KCNT1: variants seen among roughly 807,000 people sequenced by gnomAD.
KCNT1 encodes the protein potassium channel subfamily T member 1.
A neutral mutation model predicts 147.8 loss-of-function variants in KCNT1; 78 were observed. The ratio of observed to expected loss-of-function variants is 0.53; its 90% CI spans 0.44 to 0.64. KCNT1 has a LOEUF of 0.64. Among genes scored for constraint, KCNT1 ranks in the 30% least tolerant of loss-of-function variants. The pLI is 0.00. For synonymous variants in KCNT1, 867 were observed against 748.8 expected, an observed-to-expected ratio of 1.16 and a Z score of -2.58; for missense variants, 1,419 against 1,750.3, an observed-to-expected ratio of 0.81 and a Z score of 3.38.
intron 2 of KCNT1, among the ~76,000 whole-genome samples, chr9:135,745,665 T>G (rs1402267403): frequency 1.3e-5 from 2 of 152,248 alleles, no homozygotes; most frequent in Non-Finnish European, 2.9e-5. Flanking sequence ...CTCCTCCACC[T>G]GTCTGCTGTC....
intron 13 of KCNT1, chr9:135,768,387 C>A: frequency 1.4e-5 from 4 of 291,448 alleles, no homozygotes; most frequent in Non-Finnish European, 2.4e-5. Flanking sequence ...TGAGGGGGCA[C>A]TGTGACTCCT....
At chr9:135,777,569 C>A in intron 21 of KCNT1, 59 bp downstream of exon 21, 1 of 1,522,944 alleles carries the variant, frequency 6.6e-7, no homozygotes, top group Non-Finnish European at 8.9e-7. Flanking sequence ...CTGCAGCCAG[C>A]AGCCTCCCCA....
Position 135,702,286 on chromosome 9 carries a change from C to T in KCNT1, c.28C>T (p.Pro10Ser), listed in dbSNP as rs1174574288. MPLPDGART[P>S]GGVCREARGG... ...GCCACTCCCTGACGGGGCGCGGACC[C>T]CGGGGGGCGTCTGCCGGGAGGCGCG... Residue 10 changes from proline to serine, a missense_variant, in exon 1 of 31, where the codon CCG becomes TCG. Coordinates refer to ENST00000371757, the MANE Select transcript of KCNT1 (RefSeq NM_020822.3). 1 of 1,609,554 alleles carries T rather than the reference C, an allele frequency of 6.2e-7. No individual in the cohort carries two copies. Among genetic ancestry groups the T allele is most frequent in the Non-Finnish European group, 8.5e-7 (1 of 1,178,262 alleles).
chr9:135,792,156 C>T lies in KCNT1; in HGVS notation c.3703C>T (p.Leu1235Phe). Residue 1235 changes from leucine to phenylalanine, a missense_variant, in exon 31 of 31, where the codon CTC becomes TTC. This residue lies in a region of KCNT1 where 306 missense variants were observed against 294.2 expected (regional missense o/e 1.04). Coordinates refer to ENST00000371757, the MANE Select transcript of KCNT1 (RefSeq NM_020822.3). Reference sequence around the variant, plus strand: ...CCCCGAGACTCGCGACGAGACACAGCTCTGAGCCAGCCCTGCACGGAGCTC... The same window carrying T: ...CCCCGAGACTCGCGACGAGACACAGTTCTGAGCCAGCCCTGCACGGAGCTC... ...CNPETRDETQ[L>F] The T allele has an allele frequency of 6.2e-7, 1 of 1,605,394 alleles. No individual in the cohort carries two copies. The highest frequency in any genetic ancestry group is 8.5e-7 in the Non-Finnish European group (1 of 1,179,552).
chr9:135,757,363 C>G lies in KCNT1; in HGVS notation c.741C>G (p.His247Gln). 1 of 1,609,688 alleles carries G rather than the reference C, an allele frequency of 6.2e-7. No homozygotes were observed. Among genetic ancestry groups the G allele is most frequent in the Non-Finnish European group, 8.5e-7 (1 of 1,179,914 alleles). The change falls in exon 9 of 31, where the codon CAC (histidine) becomes CAG (glutamine). Residue 247 changes from histidine (H) to glutamine (Q), a missense_variant. His to Gln is a conservative substitution (Grantham distance 24, BLOSUM62 0). This residue lies in a region of KCNT1 where 401 missense variants were observed against 610.6 expected (regional missense o/e 0.66). Transcript: ENST00000371757. ...PVFLNCWLAK[H>Q]ALENMINDFH... ...TTCTGAACTGCTGGCTGGCCAAGCA[C>G]GCGCTGGAAAACATGATTGTAAGCC...
In KCNT1 at chr9:135,770,980, G is replaced by C; in HGVS notation, c.1893G>C (p.Glu631Asp). ...TCTACATCAACATCACCAAGGAGGA[G>C]AACTCGGCCTTCATCTTCAAGCAGG... ...TCFYINITKE[E>D]NSAFIFKQEE... is the part of the protein sequence containing the mutation. The change falls in exon 18 of 31, where the codon GAG becomes GAC. Residue 631 changes from glutamate (E) to aspartate (D), a missense_variant. Around this residue, in one of 5 missense-constraint regions of KCNT1, gnomAD observed 284 missense variants for 292.8 expected, o/e 0.97. Coordinates refer to ENST00000371757, the MANE Select transcript of KCNT1 (RefSeq NM_020822.3). 1 of 1,614,002 alleles carries C rather than the reference G, an allele frequency of 6.2e-7. No individual in the cohort carries two copies. Among genetic ancestry groups the C allele is most frequent in the Non-Finnish European group, 8.5e-7 (1 of 1,179,956 alleles).
At chr9:135,787,760 C>G (rs2131587917) in intron 29 of KCNT1, among the ~76,000 whole-genome samples, 1 of 152,340 alleles carries the variant, frequency 6.6e-6, no homozygotes, top group African/African-American at 2.4e-5. Context: ...CCACAGTGTC[C>G]CTGTCCCGGG....
chr9:135,750,940 A>G lies in KCNT1; in HGVS notation c.335-2A>G. The G allele has an allele frequency of 6.2e-7, 1 of 1,612,704 alleles. No individual in the cohort carries two copies. Among genetic ancestry groups the G allele is most frequent in the African/African-American group, 1.3e-5 (1 of 74,998 alleles). On this transcript the variant is annotated splice_acceptor_variant, in intron 3 of 30. Coordinates refer to ENST00000371757, the MANE Select transcript of KCNT1 (RefSeq NM_020822.3). LOFTEE classifies it high-confidence loss of function. ...GCCCTGAGGCCGCTGCCCTCCCCGCAGGCCTGAGGATCCGGCTGTTCAACT... is the reference window on the plus strand; with the variant it reads ...GCCCTGAGGCCGCTGCCCTCCCCGCGGGCCTGAGGATCCGGCTGTTCAACT...
At position 135,765,673 on chromosome 9, in the gene KCNT1, G is replaced by A. The variant is rs745965148; in HGVS notation, c.1250G>A (p.Arg417His). Reference protein sequence around the residue: ...LCPTEMDVQVRRVLQIPLWSQ... With the variant: ...LCPTEMDVQVHRVLQIPLWSQ... ...CCCACGGAGATGGATGTCCAGGTGCGCAGAGTCCTGCAGATCCCTCTGTGG... is the reference window on the plus strand; with the variant it reads ...CCCACGGAGATGGATGTCCAGGTGCACAGAGTCCTGCAGATCCCTCTGTGG... The change falls in exon 13 of 31, where the codon CGC (arginine) becomes CAC (histidine). Residue 417 changes from arginine (R) to histidine (H), a missense_variant. Physicochemically the swap from Arg to His is conservative, Grantham distance 29 (BLOSUM62 0). Around this residue, in one of 5 missense-constraint regions of KCNT1, gnomAD observed 401 missense variants for 610.6 expected, o/e 0.66. Transcript: ENST00000371757. The A allele has an allele frequency of 3.1e-6, 5 of 1,610,324 alleles. No individual in the cohort carries two copies. The highest frequency in any genetic ancestry group is 2.2e-5 in the South Asian group (2 of 90,396).
At chr9:135,759,222 T>C (rs1831730681) in intron 10 of KCNT1, among the ~76,000 whole-genome samples, 1 of 152,122 alleles carries the variant, frequency 6.6e-6, no homozygotes, top group Non-Finnish European at 1.5e-5. Context: ...TGTCTGGCTG[T>C]GCCGGGCAGA....
At chr9:135,780,999 A>G (rs1380228075) in intron 24 of KCNT1, among the ~76,000 whole-genome samples, 4 of 151,770 alleles carry the variant, frequency 2.6e-5, no homozygotes, top group African/African-American at 4.8e-5. Flanking sequence ...CACGCAGCCA[A>G]CACGCTCCTG....
rs1415210141 is a variant in KCNT1, at chr9:135,778,702, T to C, written c.2609T>C (p.Leu870Pro). The part of the protein sequence containing the change: ...EGSVDNLDSL[L>P]QCGIIYADNL... ...CCCGCCACCAGCCTGGACAGCCTGCTGCAGTGTGGCATCATCTATGCGGAC... is the reference window on the plus strand; with the variant it reads ...CCCGCCACCAGCCTGGACAGCCTGCCGCAGTGTGGCATCATCTATGCGGAC... The change falls in exon 23 of 31, where the codon CTG becomes CCG. Residue 870 changes from leucine (L) to proline (P), a missense_variant. Around this residue, in one of 5 missense-constraint regions of KCNT1, gnomAD observed 247 missense variants for 397.1 expected, o/e 0.62. Coordinates refer to ENST00000371757, the MANE Select transcript of KCNT1 (RefSeq NM_020822.3). 1 of 1,613,390 alleles carries C rather than the reference T, an allele frequency of 6.2e-7. No individual in the cohort carries two copies. Among genetic ancestry groups the C allele is most frequent in the South Asian group, 1.1e-5 (1 of 91,056 alleles).
intron 2 of KCNT1, among the ~76,000 whole-genome samples, chr9:135,717,368 C>A (rs766824837): frequency 6.6e-6 from 1 of 152,058 alleles, no homozygotes; most frequent in Non-Finnish European, 1.5e-5. Flanking sequence ...GAGAGTGGTT[C>A]CCCACTTCTC....
At chr9:135,731,979 TATATATATATATAGAGAGAGAGAGAG>T (rs1430583875) in intron 2 of KCNT1, among the ~76,000 whole-genome samples, 4 of 28,228 alleles carry the variant, frequency 1.4e-4, no homozygotes, top group African/African-American at 4.9e-4. Flanking sequence ...TATATATATA[TATATATATATATAGAGAGAGAGAGAG>T]AGAGAGAGAG....
chr9:135,746,810 A>G (rs991567969), intron 2 of KCNT1, among the ~76,000 whole-genome samples: 1 of 151,836 alleles, frequency 6.6e-6, no homozygotes, highest in Non-Finnish European at 1.5e-5. Context: ...ACCCCCGCCT[A>G]GGAGGAGTGG....
intron 6 of KCNT1, 110 bp from the exon 7 acceptor site, chr9:135,756,763 C>T (rs542436337): frequency 1.1e-6 from 1 of 904,556 alleles, no homozygotes; most frequent in South Asian, 1.3e-5. Flanking sequence ...CAAGGCAGAC[C>T]CCAGACACAC....
intron 20 of KCNT1, 152 bp downstream of exon 20, chr9:135,775,567 A>G: frequency 1.7e-6 from 1 of 588,384 alleles, no homozygotes; most frequent in Non-Finnish European, 2.9e-6. Flanking sequence ...AGAGCCACAG[A>G]TCCTTCACCC....
At chr9:135,756,101 CTT>C (rs1176673710) in intron 6 of KCNT1, among the ~76,000 whole-genome samples, 7 of 151,122 alleles carry the variant, frequency 4.6e-5, no homozygotes, top group Non-Finnish European at 8.9e-5. Context: ...GGAAACCAGA[CTT>C]TAGTGAATGC....
intron 2 of KCNT1, among the ~76,000 whole-genome samples, chr9:135,742,113 G>A (rs577572112): frequency 9.3e-4 from 142 of 152,330 alleles, no homozygotes; most frequent in African/African-American, 2.8e-3. Context: ...GGCTGCTGGC[G>A]TGGTGGAGGG....
Sources: allele counts gnomAD v4.1 joint callset (sites outside exome capture counted in the v4.1 genomes callset), GRCh38; gene constraint gnomAD v4.1.1; regional missense constraint gnomAD v4.1.1; transcripts MANE v1.5; gene names NCBI Gene and HGNC (gene_info 2026-07-23, HGNC 2026-07-21).